DRD3: variants seen among roughly 807,000 people sequenced by gnomAD.
The protein encoded by DRD3 is D(3) dopamine receptor.
DRD3 carries 19 observed loss-of-function variants against 36.3 expected under a neutral mutation model. The observed-to-expected ratio is 0.52, with a 90% CI of 0.36 to 0.77. DRD3 has a LOEUF of 0.77. Among genes scored for constraint, DRD3 ranks in the 30% least tolerant of loss-of-function variants. DRD3 has a pLI of 0.00. For missense variants in DRD3, 465 were observed against 505.3 expected (o/e 0.92, Z 0.77); for synonymous variants, 195 against 203.7 (o/e 0.96, Z 0.36).
intron 1 of DRD3, among the ~76,000 whole-genome samples, chr3:114,172,968 G>T (rs375930554): frequency 6.6e-6 from 1 of 151,948 alleles, no homozygotes; most frequent in Non-Finnish European, 1.5e-5. Context: ...CTGTGGTCTC[G>T]GTGTTTGTGT....
chr3:114,140,519 C>A (rs560360463), intron 4 of DRD3, among the ~76,000 whole-genome samples: 1 of 152,146 alleles, frequency 6.6e-6, no homozygotes, highest in African/African-American at 2.4e-5. Flanking sequence ...ATCTGCCAGG[C>A]GATGAGCCAA....
chr3:114,181,871 A>T (rs756575294), upstream of DRD3, among the ~76,000 whole-genome samples: 1 of 152,234 alleles, frequency 6.6e-6, no homozygotes, highest in African/African-American at 2.4e-5. Context: ...AGCACCGACC[A>T]TTGAGTACAC....
At position 114,128,805 on chromosome 3, in the gene DRD3, C is replaced by G. The variant is rs2077400375; in HGVS notation, c.1114G>C (p.Gly372Arg). The G allele has an allele frequency of 6.2e-7, 1 of 1,613,796 alleles. No individual in the cohort carries two copies. Among genetic ancestry groups the G allele is most frequent in the African/African-American group, 1.3e-5 (1 of 74,862 alleles). Reference protein sequence around the residue: ...PELYSATTWLGYVNSALNPVI... With the variant: ...PELYSATTWLRYVNSALNPVI... ...GGGTTGAGGGCGCTATTCACGTAGC[C>G]CAGCCATGTCGTGGCACTGTAAAGC... Residue 372 changes from glycine to arginine, a missense_variant, in exon 7 of 7, where the codon GGC (glycine) becomes CGC (arginine). Transcript: ENST00000383673.
At chr3:114,170,613 A>G (rs1043450188) in intron 2 of DRD3, among the ~76,000 whole-genome samples, 2 of 149,404 alleles carry the variant, frequency 1.3e-5, no homozygotes, top group African/African-American at 5.0e-5. Flanking sequence ...TTCTCTCTTT[A>G]TGTCTCCCCC....
chr3:114,168,815 T>C (rs1275069920), intron 2 of DRD3, among the ~76,000 whole-genome samples: 1 of 152,254 alleles, frequency 6.6e-6, no homozygotes, highest in Non-Finnish European at 1.5e-5. Flanking sequence ...AGGTTTCCAA[T>C]ATTTACAGCC....
intron 3 of DRD3, among the ~76,000 whole-genome samples, chr3:114,155,663 C>T (rs1446399641): frequency 6.6e-6 from 1 of 151,606 alleles, no homozygotes; most frequent in Non-Finnish European, 1.5e-5. Flanking sequence ...AATTTCATTT[C>T]CACACCCTTG....
upstream of DRD3, among the ~76,000 whole-genome samples, chr3:114,179,527 C>CT (rs1467629807): frequency 2.6e-5 from 4 of 151,920 alleles, no homozygotes; most frequent in Non-Finnish European, 5.9e-5. Context: ...ACATAGATAC[C>CT]TTTTTTAAAA....
intron 3 of DRD3, among the ~76,000 whole-genome samples, chr3:114,147,767 C>T (rs1326781043): frequency 6.6e-6 from 1 of 152,052 alleles, no homozygotes; most frequent in Non-Finnish European, 1.5e-5. Flanking sequence ...TATGCCTGTG[C>T]CGCCACCACG....
rs2077394578 is a variant in DRD3 at position 114,128,158 on chromosome 3, A to C, written c.*558T>G. Among the ~76,000 whole-genome samples the C allele has an allele frequency of 6.6e-6, 1 of 152,210 alleles. No individual in the cohort carries two copies. Among genetic ancestry groups the C allele is most frequent in the African/African-American group, 2.4e-5 (1 of 41,458 alleles). ...GTGTTTCTCTTGGTGTGAGAAATTC[A>C]CCTCACCAAATGTAGCCCATCGGAT... On this transcript the variant is annotated 3_prime_UTR_variant, in exon 7 of 7. Coordinates refer to ENST00000383673, the MANE Select transcript of DRD3 (RefSeq NM_000796.6).
intron 4 of DRD3, among the ~76,000 whole-genome samples, chr3:114,144,963 T>A (rs867712030): frequency 2.6e-5 from 4 of 152,174 alleles, no homozygotes; most frequent in Admixed American, 6.5e-5. Flanking sequence ...GCAACAACAC[T>A]GCAAATTCAT....
intron 2 of DRD3, among the ~76,000 whole-genome samples, chr3:114,164,220 C>CAAAAAAAAA (rs34500434): frequency 0.047 from 839 of 17,764 alleles, 97 homozygotes; most frequent in Non-Finnish European, 0.073. Context: ...GCCTCAGTCT[C>CAAAAAAAAA]AAAAAAAAAA....
At chr3:114,184,601 A>G (rs571653949) in intron 1 of DRD3, among the ~76,000 whole-genome samples, 37 of 130,322 alleles carry the variant, frequency 2.8e-4, no homozygotes, top group African/African-American at 9.5e-4. Flanking sequence ...TTGCAGGGAA[A>G]GTCTAGTGGT....
chr3:114,167,039 G>A (rs188958), intron 2 of DRD3, among the ~76,000 whole-genome samples: 152,307 of 152,314 alleles, frequency 1, 76,150 homozygotes, highest in Non-Finnish European at 1. Flanking sequence ...TTTAATAATC[G>A]ATATCATTAC....
intron 2 of DRD3, among the ~76,000 whole-genome samples, chr3:114,165,029 G>A (rs2077770327): frequency 6.6e-6 from 1 of 152,236 alleles, no homozygotes; most frequent in Non-Finnish European, 1.5e-5. Flanking sequence ...GAGATTACAG[G>A]TATGAGCCAC....
At chr3:114,142,581 A>G (rs1406878416) in intron 4 of DRD3, among the ~76,000 whole-genome samples, 2 of 152,224 alleles carry the variant, frequency 1.3e-5, no homozygotes, top group Admixed American at 6.5e-5. Context: ...TGTTGCAAGC[A>G]TTATCTTGCA....
chr3:114,139,409 G>A, intron 5 of DRD3, 91 bp downstream of exon 5: 1 of 1,297,736 alleles, frequency 7.7e-7, no homozygotes, highest in Non-Finnish European at 1.1e-6. Context: ...CTCCAATTTA[G>A]CTAAACGGCA....
chr3:114,193,151 C>T (rs1349971174), intron 1 of DRD3, among the ~76,000 whole-genome samples: 3 of 151,998 alleles, frequency 2.0e-5, no homozygotes, highest in Non-Finnish European at 2.9e-5. Flanking sequence ...TGGTGGCGGG[C>T]GCCTGTAGTC....
At chr3:114,129,020 A>G (rs939208653) in intron 6 of DRD3, 108 bp from the exon 7 acceptor site, 1 of 1,225,464 alleles carries the variant, frequency 8.2e-7, no homozygotes, top group Non-Finnish European at 1.1e-6. Flanking sequence ...ACTAAGCTGG[A>G]AGTTTTGCAT....
At chr3:114,140,402 G>T (rs1003986183) in intron 4 of DRD3, among the ~76,000 whole-genome samples, 1 of 152,156 alleles carries the variant, frequency 6.6e-6, no homozygotes, top group Non-Finnish European at 1.5e-5. Flanking sequence ...TCCTTGGGAG[G>T]TCCCTCTAGC....
Sources: gnomAD v4.1 joint callset for allele counts (sites outside exome capture counted in the v4.1 genomes callset) on GRCh38, gnomAD v4.1.1 for gene constraint, MANE v1.5 for transcripts, NCBI Gene and HGNC (gene_info 2026-07-23, HGNC 2026-07-21) for gene names.